The following ACAA1 variants were observed in gnomAD, a reference collection of about 807,000 sequenced individuals.
The protein encoded by ACAA1 is 3-ketoacyl-CoA thiolase, peroxisomal.
Under a neutral mutation model 48.8 loss-of-function variants are expected in ACAA1, and 44 were observed. The ratio of observed to expected loss-of-function variants is 0.90; its 90% CI spans 0.71 to 1.16. ACAA1 has a LOEUF of 1.16. Among genes scored for constraint, ACAA1 ranks in the 50% most tolerant of loss-of-function variants. The pLI, the probability that ACAA1 is intolerant of heterozygous loss-of-function variation, is 0.00. For synonymous variants in ACAA1, 233 were observed against 226.5 expected, an observed-to-expected ratio of 1.03 and a Z score of -0.26; for missense variants, 512 against 562.3, an observed-to-expected ratio of 0.91 and a Z score of 0.90.
intron 2 of ACAA1, chr3:38,134,453 G>A (rs1463764833): frequency 6.6e-6 from 3 of 456,132 alleles, no homozygotes; most frequent in Non-Finnish European, 1.3e-5. Context: ...CAAGGTGAGG[G>A]GTGGAATAGA....
chr3:38,126,196 A>G lies in ACAA1; in HGVS notation c.963T>C (p.Pro321=). The G allele has an allele frequency of 6.2e-7, 1 of 1,614,188 alleles. No homozygotes were observed. The highest frequency in any genetic ancestry group is 1.1e-5 in the South Asian group (1 of 91,086). The change falls in exon 9 of 12, where the codon CCT becomes CCC. Residue 321 remains proline, a synonymous_variant. Transcript: ENST00000333167. The surrounding 1 kb of genome is among the most constrained non-coding windows in gnomAD (Gnocchi z 4.7). ...GCAAAGCTACTGGGATGGCATAGGCAGGTCCAATGCCCATGATGTCAGGTG... is the reference window on the plus strand; with the variant it reads ...GCAAAGCTACTGGGATGGCATAGGCGGGTCCAATGCCCATGATGTCAGGTG... ...GVPPDIMGIG[P]AYAIPVALQK...
In ACAA1 at chr3:38,136,041, G is replaced by A. The variant is rs560758351; in HGVS notation, c.265+551C>T. On this transcript the variant is annotated intron_variant, in intron 2 of 11. Coordinates refer to ENST00000333167, the MANE Select transcript of ACAA1 (RefSeq NM_001607.4). ...TGGTTAATCGAGAATGGAGAATGGCGATGACTTTTACCAAGCATACTGCCT... is the reference window on the plus strand; with the variant it reads ...TGGTTAATCGAGAATGGAGAATGGCAATGACTTTTACCAAGCATACTGCCT... Among the ~76,000 whole-genome samples the A allele has an allele frequency of 5.5e-4, 84 of 152,320 alleles. 1 individual carries two copies. Among genetic ancestry groups the A allele is most frequent in the Non-Finnish European group, 1.1e-3 (74 of 68,030 alleles).
chr3:38,137,111 G>A lies in ACAA1; in HGVS notation c.-76C>T. The A allele has an allele frequency of 8.2e-7, 1 of 1,218,958 alleles. No homozygotes were observed. Among genetic ancestry groups the A allele is most frequent in the Non-Finnish European group, 1.1e-6 (1 of 888,726 alleles). The allele number at this position is 1,218,958 out of a possible 1,614,324, so 75.5% of individuals were successfully genotyped here. A position where few individuals can be genotyped will look rare whatever the true frequency, so the allele number is the denominator to read the frequency against. On this transcript the variant is annotated 5_prime_UTR_variant, in exon 1 of 12. Transcript: ENST00000333167. ...AGTTAACAGACAGCCGTCCGCACAC[G>A]CGCAGAACCACATCTCAGCCTCCAA...
In ACAA1 at chr3:38,129,453, T is replaced by G; in HGVS notation, c.447-65A>C. 1 of 1,299,612 alleles carries G rather than the reference T, an allele frequency of 7.7e-7. No homozygotes were observed. The highest frequency in any genetic ancestry group is 1.1e-6 in the Non-Finnish European group (1 of 906,360). The allele number at this position is 1,299,612 out of a possible 1,614,324, so 80.5% of individuals were successfully genotyped here. A position where few individuals can be genotyped will look rare whatever the true frequency, so the allele number is the denominator to read the frequency against. On this transcript the variant is annotated intron_variant, in intron 5 of 11. Coordinates refer to ENST00000333167, the MANE Select transcript of ACAA1 (RefSeq NM_001607.4). The surrounding 1 kb of genome is among the most constrained non-coding windows in gnomAD (Gnocchi z 5.3). ...GGCCCTAGCAGGACTCCTCCAGAGATAGCTGAACACTTGGCAAGTGCTAGG... is the reference window on the plus strand; with the variant it reads ...GGCCCTAGCAGGACTCCTCCAGAGAGAGCTGAACACTTGGCAAGTGCTAGG...
rs754009365 is a variant in ACAA1, at chr3:38,136,986, G to C, written c.50C>G (p.Ser17Cys). Residue 17 changes from serine (S) to cysteine (C), a missense_variant, in exon 1 of 12, where the codon TCC becomes TGC. Physicochemically the swap from Ser to Cys is moderately radical, Grantham distance 112. Coordinates refer to ENST00000333167, the MANE Select transcript of ACAA1 (RefSeq NM_001607.4). ...VLGHLRGPAD[S>C]GWMPQAAPCL... ...AGGCGCGGCCTGCGGCATCCAGCCG[G>C]AATCGGCCGGACCCCTCAGGTGGCC... 6.4e-7 allele frequency: 1 copy of C among 1,561,950 alleles called. No individual in the cohort carries two copies. The highest frequency in any genetic ancestry group is 8.7e-7 in the Non-Finnish European group (1 of 1,155,576).
At position 38,129,521 on chromosome 3, in the gene ACAA1, G is replaced by T; in HGVS notation, c.447-133C>A. ...TAGGAAGACCAGTGGGCCTCTGGGA[G>T]TCACAGGCAGGGCACTTGGCCAGCA... On this transcript the variant is annotated intron_variant, in intron 5 of 11. Transcript: ENST00000333167. This position sits in a 1 kb window ranked among gnomAD's most constrained non-coding sequence, Gnocchi z 5.3. 1 of 684,142 alleles carries T rather than the reference G, an allele frequency of 1.5e-6. No individual in the cohort carries two copies. Among genetic ancestry groups the T allele is most frequent in the Non-Finnish European group, 2.5e-6 (1 of 407,258 alleles). The allele number at this position is 684,142 out of a possible 1,614,324, so 42.4% of individuals were successfully genotyped here.
chr3:38,132,124 C>G (rs1349351023), intron 3 of ACAA1, 119 bp from the exon 4 acceptor site: 1 of 829,122 alleles, frequency 1.2e-6, no homozygotes, highest in African/African-American at 1.7e-5. Flanking sequence ...GGGAACAAAC[C>G]CAGCAGCTCT....
chr3:38,131,903 G>T, intron 4 of ACAA1, 23 bp downstream of exon 4: 1 of 1,605,764 alleles, frequency 6.2e-7, no homozygotes, highest in Non-Finnish European at 8.5e-7. Flanking sequence ...CAGGACCAAG[G>T]CACCCACCCA....
At chr3:38,128,095 T>C (rs974569990) in intron 6 of ACAA1, among the ~76,000 whole-genome samples, 2 of 152,194 alleles carry the variant, frequency 1.3e-5, no homozygotes, top group African/African-American at 4.8e-5. Context: ...GGCCAGATCC[T>C]GAGAAGCTCA....
At chr3:38,125,005 A>C (rs75462437) in intron 11 of ACAA1, 1 of 152,234 alleles carries the variant, frequency 6.6e-6, no homozygotes, top group Admixed American at 6.5e-5. Flanking sequence ...ATGCTTTGTC[A>C]GGTTTCTAGG....
At chr3:38,123,838 CAAAA>C (rs932454024) in intron 11 of ACAA1, 4 of 151,794 alleles carry the variant, frequency 2.6e-5, no homozygotes, top group African/African-American at 9.7e-5. Flanking sequence ...CTGTCTCCAC[CAAAA>C]ATACAAAAAT....
intron 11 of ACAA1, chr3:38,123,951 G>T (rs2125761970): frequency 6.7e-6 from 1 of 148,210 alleles, no homozygotes; most frequent in South Asian, 2.1e-4. Context: ...AGGTTGCAGT[G>T]AGCCGAGATC....
chr3:38,132,123 C>G, intron 3 of ACAA1, 118 bp from the exon 4 acceptor site: 1 of 828,336 alleles, frequency 1.2e-6, no homozygotes, highest in Non-Finnish European at 1.9e-6. Context: ...GGGGAACAAA[C>G]CCAGCAGCTC....
chr3:38,125,656 C>A lies in ACAA1; in HGVS notation c.1108G>T (p.Gly370Trp). The change falls in exon 11 of 12, where the codon GGG (glycine) becomes TGG (tryptophan). Residue 370 changes from glycine (G) to tryptophan (W), a missense_variant. By Grantham distance (184) the Gly-to-Trp change is radical. Coordinates refer to ENST00000333167, the MANE Select transcript of ACAA1 (RefSeq NM_001607.4). Reference sequence around the variant, plus strand: ...GGGTGCCCTAAGGCCACTGCACCCCCCAGGGGGTTCACCTTCTCAGGGGGG... The same window carrying A: ...GGGTGCCCTAAGGCCACTGCACCCCACAGGGGGTTCACCTTCTCAGGGGGG... ...RLPPEKVNPL[G>W]GAVALGHPLG... The A allele has an allele frequency of 6.3e-7, 1 of 1,599,400 alleles. No homozygotes were observed. The highest frequency in any genetic ancestry group is 8.5e-7 in the Non-Finnish European group (1 of 1,171,616).
intron 1 of ACAA1, 77 bp from the exon 2 acceptor site, chr3:38,136,762 G>A: frequency 6.7e-7 from 1 of 1,495,418 alleles, no homozygotes; most frequent in Non-Finnish European, 8.9e-7. Flanking sequence ...CCACAGCTGG[G>A]TGCGGAGCTG....
chr3:38,134,795 A>C (rs1700856501), intron 2 of ACAA1, among the ~76,000 whole-genome samples: 1 of 152,212 alleles, frequency 6.6e-6, no homozygotes, highest in Non-Finnish European at 1.5e-5. Context: ...CCTCTGCCCA[A>C]GAAAGCCTGG....
intron 5 of ACAA1, among the ~76,000 whole-genome samples, chr3:38,130,313 T>C (rs760198300): frequency 2.6e-5 from 4 of 152,254 alleles, no homozygotes; most frequent in Admixed American, 6.5e-5. Flanking sequence ...GACAGACAAA[T>C]ACTCCACAGT....
In ACAA1 at chr3:38,136,868, G is replaced by C. The variant is rs1168034478; in HGVS notation, c.168C>G (p.Phe56Leu). 2 of 1,524,530 alleles carry C rather than the reference G, an allele frequency of 1.3e-6. No homozygotes were observed. The highest frequency in any genetic ancestry group is 5.1e-5 in the East Asian group (2 of 39,454). The allele number at this position is 1,524,530 out of a possible 1,614,324, so 94.4% of individuals were successfully genotyped here. A position where few individuals can be genotyped will look rare whatever the true frequency, so the allele number is the denominator to read the frequency against. The change falls in exon 1 of 12, where the codon TTC becomes TTG. Residue 56 changes from phenylalanine to leucine, a missense_variant. Physicochemically the swap from Phe to Leu is conservative, Grantham distance 22. Coordinates refer to ENST00000333167, the MANE Select transcript of ACAA1 (RefSeq NM_001607.4). ...CGCCCAGACCCTCGGGCCTCACCTT[G>C]AAGCCGCCGCGGCCCGCCCGGCAGA... ...TAICRAGRGG[F>L]KDTTPDELLS...
intron 5 of ACAA1, among the ~76,000 whole-genome samples, chr3:38,130,754 A>G (rs554106240): frequency 6.6e-6 from 1 of 152,246 alleles, no homozygotes; most frequent in African/African-American, 2.4e-5. Flanking sequence ...GTCCTTGCAG[A>G]GTGGTCTTTG....
Sources: gnomAD v4.1 joint callset for allele counts (sites outside exome capture counted in the v4.1 genomes callset) on GRCh38, gnomAD v4.1.1 for gene constraint, Gnocchi (gnomAD v3.1) non-coding constraint, MANE v1.5 for transcripts, NCBI Gene and HGNC (gene_info 2026-07-23, HGNC 2026-07-21) for gene names.